ERP44: variants seen among roughly 807,000 people sequenced by gnomAD.
ERP44 encodes endoplasmic reticulum resident protein 44.
In ERP44, 25 loss-of-function variants were observed where a neutral mutation model predicts 53.4. The ratio of observed to expected loss-of-function variants is 0.47; its 90% confidence interval spans 0.34 to 0.65. The LOEUF is 0.65. Ranked by LOEUF, ERP44 falls within the 30% of genes least tolerant of loss-of-function variation. The pLI is 0.01. For missense variants in ERP44, 338 were observed against 493.2 expected (o/e 0.69, Z 2.98); for synonymous variants, 145 against 161.2 (o/e 0.90, Z 0.76).
At chr9:100,047,689 A>G (rs1374862275) in intron 4 of ERP44, among the ~76,000 whole-genome samples, 1 of 152,206 alleles carries the variant, frequency 6.6e-6, no homozygotes, top group Non-Finnish European at 1.5e-5. Context: ...TATCTTGGAT[A>G]TAACATCTAA....
intron 10 of ERP44, among the ~76,000 whole-genome samples, chr9:99,995,920 C>CTTTTT (rs34632626): frequency 9.1e-4 from 110 of 121,382 alleles, no homozygotes; most frequent in Non-Finnish European, 1.0e-3. Context: ...TAGGGTAGTT[C>CTTTTT]TTTTTTTTTT....
At chr9:100,065,546 A>G (rs1238022515) in intron 1 of ERP44, among the ~76,000 whole-genome samples, 1 of 152,240 alleles carries the variant, frequency 6.6e-6, no homozygotes, top group Non-Finnish European at 1.5e-5. Context: ...TAATCATTTA[A>G]CAATGTATAC....
At chr9:100,034,573 A>G (rs1468486229) in intron 4 of ERP44, among the ~76,000 whole-genome samples, 1 of 152,330 alleles carries the variant, frequency 6.6e-6, no homozygotes, top group East Asian at 1.9e-4. Context: ...ATTAAAAAAA[A>G]CAAAAAAACA....
intron 10 of ERP44, among the ~76,000 whole-genome samples, chr9:100,003,330 G>A (rs1830396888): frequency 6.6e-6 from 1 of 152,148 alleles, no homozygotes; most frequent in Non-Finnish European, 1.5e-5. Context: ...AGATTATTGT[G>A]CTCTTTTGGT....
chr9:100,030,763 C>T (rs376729896), intron 4 of ERP44, among the ~76,000 whole-genome samples: 3 of 152,288 alleles, frequency 2.0e-5, no homozygotes, highest in African/African-American at 7.2e-5. Context: ...GCTGGTGAGA[C>T]TGTTGGAAAA....
intron 1 of ERP44, among the ~76,000 whole-genome samples, chr9:100,067,876 GGCA>G (rs1258471828): frequency 6.6e-6 from 1 of 151,174 alleles, no homozygotes; most frequent in African/African-American, 2.4e-5. Flanking sequence ...CCCTCCGCCC[GGCA>G]GCCGCCCCGC....
At position 100,098,442 on chromosome 9, in the gene ERP44, G is replaced by A. The variant is rs148307254; in HGVS notation, c.57+342C>T. 2.2e-4 allele frequency among the ~76,000 whole-genome samples: 34 copies of A among 152,308 alleles called. No individual in the cohort carries two copies. In the East Asian group the frequency reaches 5.8e-3, roughly 26 times the overall value. ...ATGGAGAGGGTGGGAAGGAACGCTA[G>A]GTCTATGCTTGGTCTTTTCCGATTC... On this transcript the variant is annotated intron_variant, in intron 1 of 11. Transcript: ENST00000262455.
At chr9:100,060,035 T>G (rs1826126257) in intron 2 of ERP44, 65 bp downstream of exon 2, 1 of 1,240,896 alleles carries the variant, frequency 8.1e-7, no homozygotes, top group Admixed American at 4.2e-5. Context: ...GTTTTTTTTT[T>G]GTATATATAA....
At chr9:100,094,611 T>C (rs888040117) in intron 1 of ERP44, among the ~76,000 whole-genome samples, 7 of 151,936 alleles carry the variant, frequency 4.6e-5, no homozygotes, top group Non-Finnish European at 8.8e-5. Flanking sequence ...TGAGTCAAGA[T>C]GGTGCCACTG....
rs560637599 is a variant in ERP44 at position 100,010,355 on chromosome 9, A to G, written c.763-2666T>C. ...TTAAATGGTTGCTTACAACATAATA[A>G]ATCTCAAGAATTATTAGATGTGCCA... On this transcript the variant is annotated intron_variant, in intron 8 of 11. Coordinates refer to ENST00000262455, the MANE Select transcript of ERP44 (RefSeq NM_015051.3). Among the ~76,000 whole-genome samples, 11 of 152,294 alleles carry G rather than the reference A, an allele frequency of 7.2e-5. No homozygotes were observed. The South Asian group carries it at 2.3e-3, about 32-fold the overall frequency.
In ERP44 at chr9:100,065,841, T is replaced by C. The variant is rs189094608; in HGVS notation, c.58-5669A>G. 8.3e-4 allele frequency among the ~76,000 whole-genome samples: 126 copies of C among 152,364 alleles called. 2 individuals are homozygous for C. In the East Asian group the frequency reaches 0.021, roughly 26 times the overall value. ...TCAAACATTACTCCTGTTAATAAGATTTCTAATTCATAGACGCATTAGCTA... is the reference window on the plus strand; with the variant it reads ...TCAAACATTACTCCTGTTAATAAGACTTCTAATTCATAGACGCATTAGCTA... On this transcript the variant is annotated intron_variant, in intron 1 of 11. Coordinates refer to ENST00000262455, the MANE Select transcript of ERP44 (RefSeq NM_015051.3).
At chr9:100,012,456 C>G (rs1035144017) in intron 8 of ERP44, among the ~76,000 whole-genome samples, 1 of 152,142 alleles carries the variant, frequency 6.6e-6, no homozygotes, top group Admixed American at 6.5e-5. Flanking sequence ...CCTGGCAGCA[C>G]TAATCCTCTT....
intron 4 of ERP44, among the ~76,000 whole-genome samples, chr9:100,047,830 A>G (rs1825991379): frequency 6.6e-6 from 1 of 152,184 alleles, no homozygotes; most frequent in South Asian, 2.1e-4. Flanking sequence ...TGCAAATCAT[A>G]TATATGAGGG....
chr9:100,087,182 C>T (rs1826494972), intron 1 of ERP44, among the ~76,000 whole-genome samples: 1 of 151,654 alleles, frequency 6.6e-6, no homozygotes, highest in Non-Finnish European at 1.5e-5. Flanking sequence ...AACACAACTC[C>T]CTCCATAAGC....
chr9:100,020,716 T>TA lies in ERP44; in HGVS notation c.486dup (p.Ile163TyrfsTer6). On this transcript the variant is annotated frameshift_variant, in exon 6 of 12. Transcript: ENST00000262455. LOFTEE classifies it high-confidence loss of function. ...TCCTTTTGCTCAAAATATCCAATGA[T>TA]ATTTCTTTTGCTGCGCTGTAAAATA... The TA allele has an allele frequency of 6.3e-7, 1 of 1,587,982 alleles. No individual in the cohort carries two copies. The highest frequency in any genetic ancestry group is 8.6e-7 in the Non-Finnish European group (1 of 1,157,228).
intron 4 of ERP44, among the ~76,000 whole-genome samples, chr9:100,034,383 AG>A (rs1298921206): frequency 6.6e-6 from 1 of 152,222 alleles, no homozygotes; most frequent in African/African-American, 2.4e-5. Context: ...TAAAAAAGGC[AG>A]GAAGTTCCAG....
At position 99,980,149 on chromosome 9, in the gene ERP44, T is replaced by C. The variant is rs936656039; in HGVS notation, c.*2463A>G. On this transcript the variant is annotated 3_prime_UTR_variant, in exon 12 of 12. Coordinates refer to ENST00000262455, the MANE Select transcript of ERP44 (RefSeq NM_015051.3). Reference sequence around the variant, plus strand: ...AAATAATGTCCTCAAATCTCTGCAATTGAGTGCTCCTTTATGCCCTCTTTA... The same window carrying C: ...AAATAATGTCCTCAAATCTCTGCAACTGAGTGCTCCTTTATGCCCTCTTTA... The C allele has an allele frequency of 2.5e-6, 1 of 398,206 alleles. No homozygotes were observed. The highest frequency in any genetic ancestry group is 1.3e-4 in the South Asian group (1 of 7,774). The allele number at this position is 398,206 out of a possible 1,614,324, so 24.7% of individuals were successfully genotyped here.
At chr9:99,997,556 G>A (rs779556903) in intron 10 of ERP44, among the ~76,000 whole-genome samples, 24 of 152,022 alleles carry the variant, frequency 1.6e-4, no homozygotes, top group Non-Finnish European at 2.9e-4. Flanking sequence ...TGTCTAAAAC[G>A]CAAAGGCAGG....
intron 3 of ERP44, among the ~76,000 whole-genome samples, chr9:100,053,253 G>A (rs1480460786): frequency 6.6e-6 from 1 of 151,956 alleles, no homozygotes; most frequent in Non-Finnish European, 1.5e-5. Context: ...ACTAAATACA[G>A]TAAGTCCAGA....
Sources: gnomAD v4.1 joint callset for allele counts (sites outside exome capture counted in the v4.1 genomes callset) on GRCh38, gnomAD v4.1.1 for gene constraint, MANE v1.5 for transcripts, NCBI Gene and HGNC (gene_info 2026-07-23, HGNC 2026-07-21) for gene names.